The following PPM1L variants were observed in gnomAD, a reference collection of about 807,000 sequenced individuals.
PPM1L encodes protein phosphatase, Mg2+/Mn2+ dependent 1L.
In PPM1L, 13 loss-of-function variants were observed where a neutral mutation model predicts 31.4. That is an observed-to-expected ratio of 0.41 (90% CI 0.27 to 0.66). The LOEUF (loss-of-function observed/expected upper bound fraction) is 0.66, where lower values mean the gene tolerates loss of function less well. PPM1L is among the 30% of genes least tolerant of loss of function. The pLI, the probability that PPM1L is intolerant of heterozygous loss-of-function variation, is 0.29. For synonymous variants in PPM1L, 184 were observed against 175.4 expected (o/e 1.05, Z -0.39); for missense variants, 326 against 453.7 (o/e 0.72, Z 2.56).
intron 2 of PPM1L, among the ~76,000 whole-genome samples, chr3:161,011,657 T>C (rs928898304): frequency 1.3e-5 from 2 of 152,154 alleles, no homozygotes; most frequent in Non-Finnish European, 2.9e-5. Context: ...GAGCATGGAA[T>C]GTTCTTCCAT....
At chr3:160,977,988 C>A (rs1205322993) in intron 2 of PPM1L, among the ~76,000 whole-genome samples, 1 of 152,090 alleles carries the variant, frequency 6.6e-6, no homozygotes, top group Non-Finnish European at 1.5e-5. Flanking sequence ...AAATGTAGAG[C>A]CTGAAGCAAA....
chr3:161,059,399 G>A (rs930922020), intron 2 of PPM1L, among the ~76,000 whole-genome samples: 2 of 152,160 alleles, frequency 1.3e-5, no homozygotes, highest in African/African-American at 4.8e-5. Context: ...AGGGTGTAAA[G>A]TGTATTTTGC....
In PPM1L at chr3:160,944,970, T is replaced by TTATATATAACTATATATAACA. The variant is rs1559897494; in HGVS notation, c.400-16737_400-16717dup. Among the ~76,000 whole-genome samples the TTATATATAACTATATATAACA allele has an allele frequency of 5.7e-5, 4 of 69,638 alleles. No homozygotes were observed. In the East Asian group the frequency reaches 7.9e-4, roughly 14 times the overall value. The allele number at this position is 69,638 out of a possible 152,430, so 45.7% of individuals were successfully genotyped here. A position where few individuals can be genotyped will look rare whatever the true frequency, so the allele number is the denominator to read the frequency against. On this transcript the variant is annotated intron_variant, in intron 1 of 3. Coordinates refer to ENST00000498165, the MANE Select transcript of PPM1L (RefSeq NM_139245.4). ...ACTATATATAACTATATAACATATATTATATATAACTATATATAACATATA... is the reference window on the plus strand; with the variant it reads ...ACTATATATAACTATATAACATATATTATATATAACTATATATAACATATATATAACTATATATAACATATA...
intron 1 of PPM1L, among the ~76,000 whole-genome samples, chr3:160,817,708 T>C (rs965386239): frequency 5.9e-5 from 9 of 152,062 alleles, no homozygotes; most frequent in Non-Finnish European, 1.2e-4. Context: ...TGGGCAAAGG[T>C]GACTGAAGAT....
At position 161,054,040 on chromosome 3, in the gene PPM1L, A is replaced by G. The variant is rs184352313; in HGVS notation, c.575-11363A>G. ...GGGAAGCTGAGGCAGCTTCTATTGTAAAGGAAGACCCAAGGAGGTGCCATT... is the reference window on the plus strand; with the variant it reads ...GGGAAGCTGAGGCAGCTTCTATTGTGAAGGAAGACCCAAGGAGGTGCCATT... On this transcript the variant is annotated intron_variant, in intron 2 of 3. Transcript: ENST00000498165. 8.9e-4 allele frequency among the ~76,000 whole-genome samples: 135 copies of G among 152,248 alleles called. 2 individuals carry two copies. Among genetic ancestry groups the G allele is most frequent in the Middle Eastern group, 6.8e-3 (2 of 294 alleles).
At chr3:160,984,712 A>G (rs1261854579) in intron 2 of PPM1L, among the ~76,000 whole-genome samples, 2 of 152,138 alleles carry the variant, frequency 1.3e-5, no homozygotes, top group Admixed American at 1.3e-4. Flanking sequence ...TAGAGTGTCA[A>G]ATGAGGTCCT....
Position 161,072,058 on chromosome 3 carries a change from T to C in PPM1L, c.*2901T>C, listed in dbSNP as rs1410587227. 6.6e-6 allele frequency: 1 copy of C among 152,184 alleles called. No individual in the cohort carries two copies. The highest frequency in any genetic ancestry group is 6.5e-5 in the Admixed American group (1 of 15,280). 9.4% of individuals were successfully genotyped at this position (152,184 alleles called of 1,614,324 possible). A position where few individuals can be genotyped will look rare whatever the true frequency, so the allele number is the denominator to read the frequency against. ...ACCCCAGCACGATGCCAGGCCCAGG[T>C]CTCCATTAATGCAGTGCTCTGCTGC... On this transcript the variant is annotated 3_prime_UTR_variant, in exon 4 of 4. Transcript: ENST00000498165.
At chr3:160,887,684 C>A (rs1019469469) in intron 1 of PPM1L, among the ~76,000 whole-genome samples, 2 of 151,806 alleles carry the variant, frequency 1.3e-5, no homozygotes, top group African/African-American at 4.8e-5. Flanking sequence ...AGGTTCACCC[C>A]ATTCTCCTGC....
intron 2 of PPM1L, among the ~76,000 whole-genome samples, chr3:161,003,478 A>T (rs1475862115): frequency 1.3e-5 from 2 of 151,428 alleles, no homozygotes; most frequent in Non-Finnish European, 2.9e-5. Flanking sequence ...TGAGCATGGA[A>T]TGTTCTTCCA....
At chr3:160,833,057 A>G (rs905532297) in intron 1 of PPM1L, among the ~76,000 whole-genome samples, 1 of 152,176 alleles carries the variant, frequency 6.6e-6, no homozygotes, top group Non-Finnish European at 1.5e-5. Context: ...GCTGAAGATA[A>G]TGTCTTCCAG....
intron 2 of PPM1L, among the ~76,000 whole-genome samples, chr3:160,976,648 T>A (rs990877654): frequency 6.6e-6 from 1 of 152,208 alleles, no homozygotes; most frequent in Non-Finnish European, 1.5e-5. Flanking sequence ...CTAGATTTTC[T>A]AGTTTATTTG....
chr3:160,911,131 G>A (rs1275062246), intron 1 of PPM1L, among the ~76,000 whole-genome samples: 1 of 152,170 alleles, frequency 6.6e-6, no homozygotes, highest in Non-Finnish European at 1.5e-5. Context: ...ATTTTCATTG[G>A]TATTTTCCTA....
intron 2 of PPM1L, among the ~76,000 whole-genome samples, chr3:161,004,666 T>C (rs1191232410): frequency 6.0e-5 from 9 of 149,660 alleles, no homozygotes; most frequent in African/African-American, 2.2e-4. Flanking sequence ...AGTTTGTATT[T>C]CTGTGGGATC....
At chr3:160,972,798 TAGTTTAC>T (rs1716397095) in intron 2 of PPM1L, among the ~76,000 whole-genome samples, 1 of 152,146 alleles carries the variant, frequency 6.6e-6, no homozygotes, top group Non-Finnish European at 1.5e-5. Context: ...ATGGTTGAAC[TAGTTTAC>T]AGTCCCACCA....
At chr3:160,767,271 C>T (rs554655768) in intron 1 of PPM1L, among the ~76,000 whole-genome samples, 2 of 151,382 alleles carry the variant, frequency 1.3e-5, no homozygotes, top group South Asian at 4.2e-4. Flanking sequence ...TATTACTCTG[C>T]CATCCAGGCT....
At chr3:160,826,944 G>GA (rs777565963) in intron 1 of PPM1L, among the ~76,000 whole-genome samples, 3 of 152,066 alleles carry the variant, frequency 2.0e-5, no homozygotes, top group Non-Finnish European at 4.4e-5. Context: ...CACATGAAAT[G>GA]ACAGTAATAG....
At chr3:160,877,535 G>A (rs1182176909) in intron 1 of PPM1L, among the ~76,000 whole-genome samples, 2 of 103,028 alleles carry the variant, frequency 1.9e-5, no homozygotes, top group Non-Finnish European at 4.3e-5. Flanking sequence ...CCTGAGGTTT[G>A]TTGTCTCATG....
At chr3:160,845,296 G>A (rs537085552) in intron 1 of PPM1L, among the ~76,000 whole-genome samples, 4 of 151,908 alleles carry the variant, frequency 2.6e-5, no homozygotes, top group Non-Finnish European at 5.9e-5. Context: ...ATTGGTGTAT[G>A]GTTGGTAGAA....
chr3:160,833,624 GT>G (rs141189685), intron 1 of PPM1L, among the ~76,000 whole-genome samples: 7 of 150,666 alleles, frequency 4.6e-5, no homozygotes, highest in South Asian at 2.1e-4. Context: ...TTTTAATGGG[GT>G]TTTTTTTTCT....
Sources: allele counts gnomAD v4.1 joint callset (sites outside exome capture counted in the v4.1 genomes callset), GRCh38; gene constraint gnomAD v4.1.1; transcripts MANE v1.5; gene names NCBI Gene and HGNC (gene_info 2026-07-23, HGNC 2026-07-21).